The following PLEC variants were observed in gnomAD, a reference collection of about 807,000 sequenced individuals.
The protein encoded by PLEC is plectin, also known as hemidesmosomal protein 1.
PLEC carries 216 observed loss-of-function variants against 392.8 expected under a neutral mutation model. The ratio of observed to expected loss-of-function variants is 0.55; its 90% CI spans 0.49 to 0.62. The LOEUF (loss-of-function observed/expected upper bound fraction) is 0.62, where lower values mean the gene tolerates loss of function less well. Among genes scored for constraint, PLEC ranks in the 20% least tolerant of loss-of-function variants. The probability of loss-of-function intolerance (pLI) is 0.00; values close to 1 mark genes in which losing one functional copy is unlikely to be tolerated. For missense variants in PLEC, 6,863 were observed against 6,563.4 expected, an observed-to-expected ratio of 1.05 and a Z score of -1.58; for synonymous variants, 3,621 against 2,980.6, an observed-to-expected ratio of 1.21 and a Z score of -7.00.
At position 143,939,481 on chromosome 8, in the gene PLEC, C is replaced by T. The variant is rs782395273; in HGVS notation, c.-20G>A. On this transcript the variant is annotated 5_prime_UTR_variant, in exon 1 of 32. Coordinates refer to ENST00000345136, the MANE Select transcript of PLEC (RefSeq NM_201384.3). ...AGACATGCTGCCCCCACACCTTCGTCGCCCGGACCCTCGGCCTCAGGCACG... is the reference window on the plus strand; with the variant it reads ...AGACATGCTGCCCCCACACCTTCGTTGCCCGGACCCTCGGCCTCAGGCACG... 1.7e-5 allele frequency: 28 copies of T among 1,603,352 alleles called. No homozygotes were observed. In the South Asian group the frequency reaches 2.0e-4, roughly 12 times the overall value.
chr8:143,943,369 G>A (rs781319823), upstream of PLEC, among the ~76,000 whole-genome samples: 46 of 152,362 alleles, frequency 3.0e-4, no homozygotes, highest in Non-Finnish European at 4.9e-4. Context: ...TGTGCGGCCC[G>A]AGGGCATGAG....
exon 1 of PLEC, chr8:143,950,638 G>A: frequency 2.5e-6 from 4 of 1,594,894 alleles, no homozygotes; most frequent in Non-Finnish European, 3.4e-6. Flanking sequence ...CCACCATCAC[G>A]CCCTCGCGGA....
At chr8:143,961,763 T>C (rs912548667) in intron 1 of PLEC, among the ~76,000 whole-genome samples, 4 of 152,270 alleles carry the variant, frequency 2.6e-5, no homozygotes, top group African/African-American at 9.6e-5. Context: ...TCTAAAATAC[T>C]TCATAACATT....
rs1473847985 is a variant in PLEC, at chr8:143,921,729, T to C, written c.8092A>G (p.Ile2698Val). 6.8e-6 allele frequency: 11 copies of C among 1,612,734 alleles called. No individual in the cohort carries two copies. The highest frequency in any genetic ancestry group is 4.0e-5 in the African/African-American group (3 of 74,930). ...GTGGCCTTCAGCAACAGCCCTGCGA[T>C]ACTGCTGCGGCCCTGCAGGTAGTGG... ...VRHYLQGRSS[I>V]AGLLLKATNE... The change falls in exon 32 of 32, where the codon ATC (isoleucine) becomes GTC (valine). Residue 2698 changes from isoleucine to valine, a missense_variant. Physicochemically the swap from Ile to Val is conservative, Grantham distance 29. Transcript: ENST00000345136.
chr8:143,923,257 G>C lies in PLEC; in HGVS notation c.6672C>G (p.Ser2224Arg), dbSNP rs1554691717. The change falls in exon 31 of 32, where the codon AGC (serine) becomes AGG (arginine). Residue 2224 changes from serine (S) to arginine (R), a missense_variant. Transcript: ENST00000345136. Reference protein sequence around the residue: ...AEATEAARQRSQVEEELFSVR... With the variant: ...AEATEAARQRRQVEEELFSVR... ...CCGAGAAGAGCTCCTCCTCCACCTG[G>C]CTGCGCTGGCGTGCGGCCTCCGTGG... 1 of 1,605,376 alleles carries C rather than the reference G, an allele frequency of 6.2e-7. No homozygotes were observed. The highest frequency in any genetic ancestry group is 8.5e-7 in the Non-Finnish European group (1 of 1,179,776).
chr8:143,919,712 G>T lies in PLEC; in HGVS notation c.10109C>A (p.Ser3370Tyr). Residue 3370 changes from serine (S) to tyrosine (Y), a missense_variant, in exon 32 of 32, where the codon TCC (serine) becomes TAC (tyrosine). Transcript: ENST00000345136. Reference sequence around the variant, plus strand: ...GCCCCGGCGCATGGCCTCGTAGATGGACACCTTCTCCTTGGTGTCCTCCAG... The same window carrying T: ...GCCCCGGCGCATGGCCTCGTAGATGTACACCTTCTCCTTGGTGTCCTCCAG... ...IYLEDTKEKV[S>Y]IYEAMRRGLL... The T allele has an allele frequency of 6.2e-7, 1 of 1,605,662 alleles. No homozygotes were observed.
rs1833543271 is a variant in PLEC, at chr8:143,973,514, A to T, written c.-42T>A. The T allele has an allele frequency of 1.5e-6, 2 of 1,343,248 alleles. No homozygotes were observed. Among genetic ancestry groups the T allele is most frequent in the Non-Finnish European group, 1.9e-6 (2 of 1,038,922 alleles). 83.2% of individuals were successfully genotyped at this position (1,343,248 alleles called of 1,614,324 possible). On this transcript the variant is annotated 5_prime_UTR_variant, in exon 1 of 32. Transcript: ENST00000356346. This position sits in a 1 kb window ranked among gnomAD's most constrained non-coding sequence, Gnocchi z 5.6. ...CGCGGGGTGCAGCGGAGCCTCCAGC[A>T]CCCGGCGGCCACTCTGTCCCCGCGG...
At position 143,946,274 on chromosome 8, in the gene PLEC, G is replaced by T. The variant is rs1252902068; in HGVS notation, c.523+3910C>A. ...TGACGGCACAGAACGGTGGACAACGGGAAGAGACAGGTCTGCCAGAGGCGG... is the reference window on the plus strand; with the variant it reads ...TGACGGCACAGAACGGTGGACAACGTGAAGAGACAGGTCTGCCAGAGGCGG... On this transcript the variant is annotated intron_variant, in intron 1 of 31. Transcript: ENST00000322810. 7 of 1,102,510 alleles carry T rather than the reference G, an allele frequency of 6.3e-6. No individual in the cohort carries two copies. The East Asian group carries it at 4.1e-4, about 65-fold the overall frequency. The allele number at this position is 1,102,510 out of a possible 1,614,324, so 68.3% of individuals were successfully genotyped here. A position where few individuals can be genotyped will look rare whatever the true frequency, so the allele number is the denominator to read the frequency against.
In PLEC at chr8:143,921,204, C is replaced by T. The variant is rs377748878; in HGVS notation, c.8617G>A (p.Glu2873Lys). The change falls in exon 32 of 32, where the codon GAG (glutamate) becomes AAG (lysine). Residue 2873 changes from glutamate to lysine, a missense_variant. Transcript: ENST00000345136. ...TYLQLLERCV[E>K]DPETGLCLLP... Reference sequence around the variant, plus strand: ...AGGCACAGGCCCGTCTCGGGGTCCTCCACGCAGCGCTCCAGTAGCTGCAGG... The same window carrying T: ...AGGCACAGGCCCGTCTCGGGGTCCTTCACGCAGCGCTCCAGTAGCTGCAGG... 88 of 1,613,918 alleles carry T rather than the reference C, an allele frequency of 5.5e-5. 1 individual carries two copies. In the Middle Eastern group the frequency reaches 1.2e-3, roughly 21 times the overall value.
In PLEC at chr8:143,929,965, GC is replaced by G; in HGVS notation, c.2709del (p.Gln904SerfsTer14). On this transcript the variant is annotated frameshift_variant, in exon 22 of 32. Transcript: ENST00000345136. LOFTEE classifies it high-confidence loss of function. ...LLAWQSLRRD[V>X]QLIRSWSLAT... Reference sequence around the variant, plus strand: ...GCCAGGGACCAGGAGCGGATGAGCTGCACGTCGCGGCGAAGGCTCTGCCAGG... The same window carrying G: ...GCCAGGGACCAGGAGCGGATGAGCTGACGTCGCGGCGAAGGCTCTGCCAGG... 6.2e-7 allele frequency: 1 copy of G among 1,611,088 alleles called. No individual in the cohort carries two copies. Among genetic ancestry groups the G allele is most frequent in the African/African-American group, 1.3e-5 (1 of 75,026 alleles).
intron 1 of PLEC, among the ~76,000 whole-genome samples, chr8:143,962,426 G>A (rs782312104): frequency 7.9e-5 from 12 of 152,208 alleles, no homozygotes; most frequent in Non-Finnish European, 1.5e-4. Flanking sequence ...GTTTTAGGGC[G>A]CCCTGCCTGT....
In PLEC at chr8:143,922,709, C is replaced by T. The variant is rs782618396; in HGVS notation, c.7220G>A (p.Arg2407Gln). Residue 2407 changes from arginine (R) to glutamine (Q), a missense_variant, in exon 31 of 32, where the codon CGG (arginine) becomes CAG (glutamine). Arg to Gln is a conservative substitution (Grantham distance 43). Transcript: ENST00000345136. ...CTCACCGATCTCCTCCGCCTGCTTC[C>T]GGAAGCGCTGGGCGTCCTCCTCAGC... ...ARAEEDAQRF[R>Q]KQAEEIGEKL... 188 of 1,612,386 alleles carry T rather than the reference C, an allele frequency of 1.2e-4. No homozygotes were observed. Among genetic ancestry groups the T allele is most frequent in the South Asian group, 8.8e-4 (80 of 90,850 alleles).
chr8:143,961,287 G>A (rs782426500), intron 1 of PLEC, among the ~76,000 whole-genome samples: 7 of 151,378 alleles, frequency 4.6e-5, no homozygotes, highest in East Asian at 1.9e-4. Context: ...GTGCAATGGC[G>A]CGATCTCAGC....
upstream of PLEC, among the ~76,000 whole-genome samples, chr8:143,975,637 A>AC (rs1303930470): frequency 4.1e-4 from 61 of 147,088 alleles, no homozygotes; most frequent in African/African-American, 1.5e-3. This position sits in a 1 kb window ranked among gnomAD's most constrained non-coding sequence, Gnocchi z 9.9. Flanking sequence ...CTACACAGTG[A>AC]CCCCCCAGCC....
intron 1 of PLEC, among the ~76,000 whole-genome samples, chr8:143,959,529 C>T (rs1181763057): frequency 1.3e-5 from 2 of 152,238 alleles, no homozygotes; most frequent in African/African-American, 4.8e-5. Flanking sequence ...CTCACCCTCC[C>T]GCTGGCTCTG....
rs1295050815 is a variant in PLEC at position 143,934,479 on chromosome 8, C to T, written c.1042-34G>A. ...AGGGGCCACACTCAGGCCCTATAGG[C>T]AGGGGGCAGGGGGTGGGGCGCTGGG... On this transcript the variant is annotated intron_variant, in intron 10 of 31. Transcript: ENST00000345136. 3 of 1,608,396 alleles carry T rather than the reference C, an allele frequency of 1.9e-6. No individual in the cohort carries two copies. The African/African-American group carries it at 4.0e-5, about 21-fold the overall frequency.
chr8:143,923,428 C>T lies in PLEC; in HGVS notation c.6501G>A (p.Met2167Ile), dbSNP rs199637293. 1.2e-6 allele frequency: 2 copies of T among 1,610,218 alleles called. No individual in the cohort carries two copies. Among genetic ancestry groups the T allele is most frequent in the East Asian group, 2.2e-5 (1 of 44,850 alleles). ...GCTCGGCGAATTTCTTATGCTTCTC[C>T]ATCTCCGCGTCAGCTGCCTGCTTCT... is the stretch of plus-strand genomic sequence containing the variant. ...LRQKQAADAEMEKHKKFAEQT... is the reference protein window; with the variant it reads ...LRQKQAADAEIEKHKKFAEQT... The change falls in exon 31 of 32, where the codon ATG becomes ATA. Residue 2167 changes from methionine (M) to isoleucine (I), a missense_variant. Physicochemically the swap from Met to Ile is conservative, Grantham distance 10 (BLOSUM62 1). Coordinates refer to ENST00000345136, the MANE Select transcript of PLEC (RefSeq NM_201384.3).
rs1186518181 is a variant in PLEC, at chr8:143,921,736, G to GCGGCC, written c.8080_8084dup (p.Ser2696AlafsTer10). 1.2e-6 allele frequency: 2 copies of GCGGCC among 1,612,622 alleles called. No homozygotes were observed. Among genetic ancestry groups the GCGGCC allele is most frequent in the African/African-American group, 2.7e-5 (2 of 74,932 alleles). On this transcript the variant is annotated frameshift_variant, in exon 32 of 32. Coordinates refer to ENST00000345136, the MANE Select transcript of PLEC (RefSeq NM_201384.3). LOFTEE classifies it low-confidence loss of function (END_TRUNC). ...TCAGCAACAGCCCTGCGATACTGCTGCGGCCCTGCAGGTAGTGGCGCACGT... is the reference window on the plus strand; with the variant it reads ...TCAGCAACAGCCCTGCGATACTGCTGCGGCCCGGCCCTGCAGGTAGTGGCGCACGT...
At chr8:143,931,775 G>A in intron 18 of PLEC, 116 bp from the exon 19 acceptor site, 2 of 1,510,988 alleles carry the variant, frequency 1.3e-6, no homozygotes, top group South Asian at 1.2e-5. Flanking sequence ...AAGCCCCCAG[G>A]AGGCCTGGGG....
Sources: gnomAD v4.1 joint callset for allele counts (sites outside exome capture counted in the v4.1 genomes callset) on GRCh38, gnomAD v4.1.1 for gene constraint, Gnocchi (gnomAD v3.1) non-coding constraint, MANE v1.5 for transcripts, NCBI Gene and HGNC (gene_info 2026-07-23, HGNC 2026-07-21) for gene names.